Variants in TJP1 observed in about 807,000 individuals in gnomAD.
TJP1 encodes the protein tight junction protein 1.
In TJP1, 43 loss-of-function variants were observed where a neutral mutation model predicts 194.2. That is an observed-to-expected ratio of 0.22 (90% confidence interval 0.17 to 0.29). The LOEUF (loss-of-function observed/expected upper bound fraction) is 0.29, where lower values mean the gene tolerates loss of function less well. TJP1 is among the 10% of genes least tolerant of loss of function. TJP1 has a pLI of 1.00. For missense variants in TJP1, 1,971 were observed against 2,185.7 expected (o/e 0.90, Z 1.96); for synonymous variants, 801 against 779.0 (o/e 1.03, Z -0.47).
chr15:29,726,716 T>G (rs937783145), intron 17 of TJP1, 65 bp downstream of exon 17: 40 of 1,458,422 alleles, frequency 2.7e-5, no homozygotes, highest in Non-Finnish European at 3.7e-5. Flanking sequence ...CACCGTAACA[T>G]TTTGGCCTAC....
At chr15:29,838,871 C>A (rs75491674) in intron 2 of TJP1, among the ~76,000 whole-genome samples, 1 of 151,890 alleles carries the variant, frequency 6.6e-6, no homozygotes, top group Non-Finnish European at 1.5e-5. Flanking sequence ...CCATACAGTA[C>A]GTAACCTGCT....
intron 2 of TJP1, among the ~76,000 whole-genome samples, chr15:29,884,133 T>C (rs2152139427): frequency 6.6e-6 from 1 of 152,346 alleles, no homozygotes; most frequent in African/African-American, 2.4e-5. Flanking sequence ...CATGTGGTCA[T>C]AATTTGTACT....
chr15:29,720,957 A>G (rs2042893435), intron 18 of TJP1, among the ~76,000 whole-genome samples: 1 of 152,164 alleles, frequency 6.6e-6, no homozygotes, highest in Non-Finnish European at 1.5e-5. Context: ...GTTAGACTCC[A>G]GGGCCCAGCC....
At chr15:29,790,068 C>T (rs1275050602) in intron 2 of TJP1, among the ~76,000 whole-genome samples, 2 of 152,184 alleles carry the variant, frequency 1.3e-5, no homozygotes, top group Non-Finnish European at 2.9e-5. Flanking sequence ...CACTATGGCC[C>T]ACAGTTGGAA....
At chr15:29,941,999 G>A (rs1443147576) in intron 2 of TJP1, among the ~76,000 whole-genome samples, 1 of 152,176 alleles carries the variant, frequency 6.6e-6, no homozygotes, top group Non-Finnish European at 1.5e-5. Context: ...CCGCCCACCA[G>A]AGCTGCGTCT....
intron 2 of TJP1, among the ~76,000 whole-genome samples, chr15:29,913,331 G>C (rs771027432): frequency 6.6e-6 from 1 of 152,178 alleles, no homozygotes; most frequent in African/African-American, 2.4e-5. Flanking sequence ...AGATAACCTT[G>C]ATAAAAATAT....
At position 29,779,912 on chromosome 15, in the gene TJP1, T is replaced by G. The variant is rs144155683; in HGVS notation, c.85-6555A>C. ...GGGATAAACAACCAGCTATGGAGAC[T>G]TCCTTAGCATGTGAACGAAGCCATA... On this transcript the variant is annotated intron_variant, in intron 2 of 27. Transcript: ENST00000614355. Among the ~76,000 whole-genome samples, 723 of 151,912 alleles carry G rather than the reference T, an allele frequency of 4.8e-3. 28 individuals carry two copies. The East Asian group carries it at 0.096, about 20-fold the overall frequency.
chr15:29,863,557 A>G lies in TJP1; in HGVS notation c.307-62855T>C, dbSNP rs147921937. On this transcript the variant is annotated intron_variant, in intron 2 of 28. Coordinates refer to the TJP1 transcript ENST00000356107. ...CTCTCTCTGGGGTGTCACAACCACA[A>G]CACTCCCTCTTTAGGCTCGCCCAGG... Among the ~76,000 whole-genome samples, 34 of 152,164 alleles carry G rather than the reference A, an allele frequency of 2.2e-4. No homozygotes were observed. In the East Asian group the frequency reaches 6.4e-3, roughly 29 times the overall value.
chr15:29,806,937 A>T (rs1405611569), intron 1 of TJP1, among the ~76,000 whole-genome samples: 2 of 152,194 alleles, frequency 1.3e-5, no homozygotes, highest in Non-Finnish European at 2.9e-5. Context: ...TCCTAACGAT[A>T]TTCAGGGATT....
chr15:29,862,974 T>C (rs1385204460), intron 2 of TJP1, among the ~76,000 whole-genome samples: 1 of 146,724 alleles, frequency 6.8e-6, no homozygotes, highest in Non-Finnish European at 1.5e-5. Flanking sequence ...AACAAGGCAA[T>C]GACACCACCA....
chr15:29,892,341 G>A (rs1417117516), intron 2 of TJP1, among the ~76,000 whole-genome samples: 3 of 152,234 alleles, frequency 2.0e-5, no homozygotes, highest in Admixed American at 1.3e-4. Flanking sequence ...TAACATAAAA[G>A]TGCAAGGTGA....
At chr15:29,950,481 C>T (rs1215840454) in intron 2 of TJP1, among the ~76,000 whole-genome samples, 1 of 152,162 alleles carries the variant, frequency 6.6e-6, no homozygotes, top group Non-Finnish European at 1.5e-5. Context: ...TGACCTCCAC[C>T]TCCACCACTA....
At chr15:29,962,064 T>C (rs1207294140) in intron 1 of TJP1, among the ~76,000 whole-genome samples, 1 of 152,232 alleles carries the variant, frequency 6.6e-6, no homozygotes, top group Non-Finnish European at 1.5e-5. Flanking sequence ...AGGCCAAATG[T>C]GGACTGCTAC....
chr15:29,925,993 C>A (rs2054512625), intron 2 of TJP1, among the ~76,000 whole-genome samples: 1 of 152,226 alleles, frequency 6.6e-6, no homozygotes, highest in Admixed American at 6.5e-5. Context: ...GCAGCACCTC[C>A]TGGTGGCCAG....
chr15:29,854,175 A>G (rs1161310018), intron 2 of TJP1, among the ~76,000 whole-genome samples: 1 of 152,216 alleles, frequency 6.6e-6, no homozygotes, highest in African/African-American at 2.4e-5. Context: ...ATATAAAAAT[A>G]CCAAAAAACA....
At chr15:29,710,045 C>G (rs1487782168) in intron 24 of TJP1, among the ~76,000 whole-genome samples, 2 of 152,000 alleles carry the variant, frequency 1.3e-5, no homozygotes, top group Non-Finnish European at 2.9e-5. Flanking sequence ...ACTCAGGAGG[C>G]TGAGGCAGGA....
chr15:29,905,242 A>C (rs2053767825), intron 2 of TJP1, among the ~76,000 whole-genome samples: 1 of 152,226 alleles, frequency 6.6e-6, no homozygotes, highest in Non-Finnish European at 1.5e-5. Context: ...GCTTGCCACA[A>C]TTGCAAATGA....
intron 24 of TJP1, among the ~76,000 whole-genome samples, chr15:29,710,355 T>C (rs1209922710): frequency 1.3e-5 from 2 of 152,174 alleles, no homozygotes; most frequent in Non-Finnish European, 2.9e-5. Context: ...GGAAAATGCC[T>C]GTCCACAGCA....
rs368685905 is a variant in TJP1 at position 29,848,592 on chromosome 15, T to C, written c.307-47890A>G. 5.8e-4 allele frequency among the ~76,000 whole-genome samples: 88 copies of C among 152,346 alleles called. 2 individuals carry two copies. The highest frequency in any genetic ancestry group is 2.1e-3 in the African/African-American group (88 of 41,584). Reference sequence around the variant, plus strand: ...TGCAGAAACTATTGGCTGGGCATGGTGGCTCACGCCTGTAATTCCAGCACT... The same window carrying C: ...TGCAGAAACTATTGGCTGGGCATGGCGGCTCACGCCTGTAATTCCAGCACT... On this transcript the variant is annotated intron_variant, in intron 2 of 28. Coordinates refer to the TJP1 transcript ENST00000356107.
Sources: gnomAD v4.1 joint callset for allele counts (sites outside exome capture counted in the v4.1 genomes callset) on GRCh38, gnomAD v4.1.1 for gene constraint, MANE v1.5 for transcripts, NCBI Gene and HGNC (gene_info 2026-07-23, HGNC 2026-07-21) for gene names.